The following CEP78 variants were observed in gnomAD, a reference collection of about 807,000 sequenced individuals.
The protein encoded by CEP78 is centrosomal protein 78, also known as centrosomal protein of 78 kDa.
In CEP78, 76 loss-of-function variants were observed where a neutral mutation model predicts 81.2. The ratio of observed to expected loss-of-function variants is 0.94; its 90% CI spans 0.78 to 1.13. The LOEUF (loss-of-function observed/expected upper bound fraction) is 1.13. CEP78 is among the 50% of genes most tolerant of loss of function. CEP78 has a pLI of 0.00. For missense variants in CEP78, 918 were observed against 846.8 expected, an observed-to-expected ratio of 1.08 and a Z score of -1.04; for synonymous variants, 293 against 301.4, an observed-to-expected ratio of 0.97 and a Z score of 0.29.
At chr9:78,267,574 C>T (rs1827593691) in intron 16 of CEP78, among the ~76,000 whole-genome samples, 1 of 152,084 alleles carries the variant, frequency 6.6e-6, no homozygotes, top group South Asian at 2.1e-4. Flanking sequence ...ATGTGAATTG[C>T]CCAAAGTTGC....
chr9:78,240,335 AT>A lies in CEP78; in HGVS notation c.472del (p.Cys158ValfsTer8). 1 of 1,591,936 alleles carries A rather than the reference AT, an allele frequency of 6.3e-7. No homozygotes were observed. The highest frequency in any genetic ancestry group is 8.6e-7 in the Non-Finnish European group (1 of 1,167,470). ...SASLVHLSLA[N>X]CPIGDGGLEI... is the part of the protein sequence containing the mutation. The stretch of plus-strand genomic sequence containing the variant: ...TCTTTGGTGCACCTGTCTCTTGCAA[AT>A]TGTCCAATTGGAGATGGAGGTTTAG... On this transcript the variant is annotated frameshift_variant, in exon 3 of 17. Coordinates refer to ENST00000643273, the MANE Select transcript of CEP78 (RefSeq NM_001330691.3). LOFTEE classifies it high-confidence loss of function.
At chr9:78,249,094 A>G in intron 8 of CEP78, 1 of 223,204 alleles carries the variant, frequency 4.5e-6, no homozygotes, top group Non-Finnish European at 8.8e-6. Context: ...TTAAAAAATT[A>G]CCCTTATTTG....
chr9:78,266,235 T>G (rs554451164), intron 15 of CEP78, among the ~76,000 whole-genome samples: 2 of 152,062 alleles, frequency 1.3e-5, no homozygotes, highest in African/African-American at 4.8e-5. Flanking sequence ...TTAGTAATAA[T>G]TACAGAAAAC....
chr9:78,240,448 T>G lies in CEP78; in HGVS notation c.499+84T>G, dbSNP rs1046826322. The G allele has an allele frequency of 4.3e-6, 5 of 1,163,450 alleles. No individual in the cohort carries two copies. In the African/African-American group the frequency reaches 7.7e-5, roughly 18 times the overall value. The allele number at this position is 1,163,450 out of a possible 1,614,324, so 72.1% of individuals were successfully genotyped here. A position where few individuals can be genotyped will look rare whatever the true frequency, so the allele number is the denominator to read the frequency against. On this transcript the variant is annotated intron_variant, in intron 3 of 16. Transcript: ENST00000643273. ...TGCCATGTTAATTCCTGTCTGTACC[T>G]TTTTTCTTACTACTGCCTCATATGC...
intron 1 of CEP78, among the ~76,000 whole-genome samples, chr9:78,236,969 CTT>C (rs71360676): frequency 7.9e-4 from 49 of 62,090 alleles, no homozygotes; most frequent in African/African-American, 2.0e-3. Context: ...CAGCCTTTGT[CTT>C]TTTTTTTTTT....
At chr9:78,237,955 CAAAAAAAAAA>C (rs557546978) in intron 1 of CEP78, among the ~76,000 whole-genome samples, 1 of 106,112 alleles carries the variant, frequency 9.4e-6, no homozygotes, top group Non-Finnish European at 1.8e-5. Context: ...ACTAAAAATA[CAAAAAAAAAA>C]AAAAAAAAAA....
chr9:78,252,365 T>C (rs1056375957), intron 9 of CEP78, among the ~76,000 whole-genome samples: 1 of 152,160 alleles, frequency 6.6e-6, no homozygotes, highest in Non-Finnish European at 1.5e-5. Context: ...AATAGGAATT[T>C]GGATATTTAA....
Position 78,275,015 on chromosome 9 carries a change from A to G in CEP78, c.*4164A>G, listed in dbSNP as rs1827771756. 1 of 152,220 alleles carries G rather than the reference A, an allele frequency of 6.6e-6. No individual in the cohort carries two copies. The highest frequency in any genetic ancestry group is 2.4e-5 in the African/African-American group (1 of 41,476). The allele number at this position is 152,220 out of a possible 1,614,324, so 9.4% of individuals were successfully genotyped here. ...ATCAGTGAAACACAGGTTTTTAAAA[A>G]TGAAAGATAAACCTTTGTAAAATAT... On this transcript the variant is annotated 3_prime_UTR_variant, in exon 17 of 17. Coordinates refer to ENST00000643273, the MANE Select transcript of CEP78 (RefSeq NM_001330691.3).
At chr9:78,269,565 G>A (rs1424937051) in intron 16 of CEP78, among the ~76,000 whole-genome samples, 1 of 152,224 alleles carries the variant, frequency 6.6e-6, no homozygotes, top group Admixed American at 6.5e-5. Context: ...AGTGATAAGA[G>A]TGTCAAGAAG....
rs1211202909 is a variant in CEP78 at position 78,273,140 on chromosome 9, T to A, written c.*2289T>A. On this transcript the variant is annotated 3_prime_UTR_variant, in exon 17 of 17. Transcript: ENST00000643273. ...ACATAGAAATAAAAAATCCACAATA[T>A]AGCAAGATCAAGTTTTTTACTCATA... The A allele has an allele frequency of 2.0e-5, 3 of 152,174 alleles. No individual in the cohort carries two copies. Among genetic ancestry groups the A allele is most frequent in the Admixed American group, 2.0e-4 (3 of 15,282 alleles). 9.4% of individuals were successfully genotyped at this position (152,174 alleles called of 1,614,324 possible).
At position 78,277,355 on chromosome 9, in the gene CEP78, CATAA is replaced by C. The variant is rs1161244473; in HGVS notation, c.*6510_*6513del. 1 of 151,714 alleles carries C rather than the reference CATAA, an allele frequency of 6.6e-6. No homozygotes were observed. Among genetic ancestry groups the C allele is most frequent in the Non-Finnish European group, 1.5e-5 (1 of 67,896 alleles). 9.4% of individuals were successfully genotyped at this position (151,714 alleles called of 1,614,324 possible). On this transcript the variant is annotated 3_prime_UTR_variant, in exon 17 of 17. Coordinates refer to ENST00000643273, the MANE Select transcript of CEP78 (RefSeq NM_001330691.3). ...ACAAAACTTTGATAAAATTAGATTT[CATAA>C]ATAAAGGAGTGGGAAAATACATGTA...
At position 78,236,322 on chromosome 9, in the gene CEP78, C is replaced by A; in HGVS notation, c.-29C>A. 1.3e-6 allele frequency: 2 copies of A among 1,537,842 alleles called. No individual in the cohort carries two copies. The highest frequency in any genetic ancestry group is 1.2e-5 in the South Asian group (1 of 84,706). Reference sequence around the variant, plus strand: ...GTGGGCGCGGGCGGCGTCTCCGCGGCGGGCATCCCCCGAGGCCGCCCTCGG... The same window carrying A: ...GTGGGCGCGGGCGGCGTCTCCGCGGAGGGCATCCCCCGAGGCCGCCCTCGG... On this transcript the variant is annotated 5_prime_UTR_variant, in exon 1 of 17. Transcript: ENST00000643273.
At chr9:78,266,199 T>G (rs186417790) in intron 15 of CEP78, among the ~76,000 whole-genome samples, 12 of 150,344 alleles carry the variant, frequency 8.0e-5, no homozygotes, top group Non-Finnish European at 1.5e-4. Flanking sequence ...ATAAGGTTCT[T>G]TTTTTTTTAA....
chr9:78,236,774 A>G, intron 1 of CEP78, 171 bp downstream of exon 1: 1 of 782,050 alleles, frequency 1.3e-6, no homozygotes, highest in Non-Finnish European at 1.9e-6. Context: ...CTCATCCGTA[A>G]CATGGGCTTA....
intron 1 of CEP78, among the ~76,000 whole-genome samples, chr9:78,238,254 C>T (rs1587546876): frequency 6.6e-6 from 1 of 152,140 alleles, no homozygotes. Flanking sequence ...TGAAACACAG[C>T]AGCGTCTTTC....
chr9:78,240,394 C>CACG, intron 3 of CEP78, 30 bp downstream of exon 3: 1 of 1,525,052 alleles, frequency 6.6e-7, no homozygotes, highest in Non-Finnish European at 8.9e-7. Flanking sequence ...AACTCTTGTC[C>CACG]TATCAGGCTG....
Position 78,252,045 on chromosome 9 carries a change from T to C in CEP78, c.1205+2T>C. 1 of 1,578,382 alleles carries C rather than the reference T, an allele frequency of 6.3e-7. No individual in the cohort carries two copies. The highest frequency in any genetic ancestry group is 8.7e-7 in the Non-Finnish European group (1 of 1,155,322). On this transcript the variant is annotated splice_donor_variant, in intron 9 of 16. Transcript: ENST00000643273. LOFTEE classifies it high-confidence loss of function. ...TGCAGAACGTGCAAAAAGACACAGG[T>C]AGGGTATTTTTATTTCCTATCTTTT...
chr9:78,247,109 T>C (rs1826526782), intron 6 of CEP78, among the ~76,000 whole-genome samples: 1 of 152,260 alleles, frequency 6.6e-6, no homozygotes, highest in Non-Finnish European at 1.5e-5. Context: ...TGAATACTTC[T>C]ATCTGCTAGA....
chr9:78,270,127 G>A (rs1827658695), intron 16 of CEP78, among the ~76,000 whole-genome samples: 1 of 152,116 alleles, frequency 6.6e-6, no homozygotes, highest in South Asian at 2.1e-4. Flanking sequence ...TAGAGTTGGG[G>A]GATCCTGGGA....
Sources: gnomAD v4.1 joint callset for allele counts (sites outside exome capture counted in the v4.1 genomes callset) on GRCh38, gnomAD v4.1.1 for gene constraint, MANE v1.5 for transcripts, NCBI Gene and HGNC (gene_info 2026-07-23, HGNC 2026-07-21) for gene names.